ASTN2: variants seen among roughly 807,000 people sequenced by gnomAD.
ASTN2 encodes the protein astrotactin-2.
Under a neutral mutation model 139.8 loss-of-function variants are expected in ASTN2, and 54 were observed. The ratio of observed to expected loss-of-function variants is 0.39; its 90% confidence interval spans 0.31 to 0.48. The LOEUF is 0.48. ASTN2 is among the 20% of genes least tolerant of loss of function. The pLI is 0.95. For synonymous variants in ASTN2, 756 were observed against 719.5 expected, an observed-to-expected ratio of 1.05 and a Z score of -0.81; for missense variants, 1,565 against 1,725.1, an observed-to-expected ratio of 0.91 and a Z score of 1.64.
chr9:116,636,824 C>A (rs1003591987), intron 17 of ASTN2, among the ~76,000 whole-genome samples: 2 of 152,174 alleles, frequency 1.3e-5, no homozygotes, highest in Non-Finnish European at 2.9e-5. Context: ...GAATCTTAAT[C>A]CTCAATGCAA....
chr9:117,374,154 C>T (rs561426088), intron 1 of ASTN2, among the ~76,000 whole-genome samples: 114 of 152,110 alleles, frequency 7.5e-4, no homozygotes, highest in Non-Finnish European at 3.1e-4. Context: ...TGGATTCTTC[C>T]CATTTTCCAG....
rs1025724857 is a variant in ASTN2 at position 117,160,256 on chromosome 9, A to C, written c.1016-18778T>G. Reference sequence around the variant, plus strand: ...GTTTCTACAACACCATGAAAATCACACAGGATCTAAGTTCCTAGGGGGCAG... The same window carrying C: ...GTTTCTACAACACCATGAAAATCACCCAGGATCTAAGTTCCTAGGGGGCAG... On this transcript the variant is annotated intron_variant, in intron 3 of 22. Transcript: ENST00000313400. Among the ~76,000 whole-genome samples the C allele has an allele frequency of 2.6e-5, 4 of 152,024 alleles. No homozygotes were observed. In the East Asian group the frequency reaches 7.7e-4, roughly 29 times the overall value.
chr9:117,117,474 G>T (rs550935628), intron 4 of ASTN2, among the ~76,000 whole-genome samples: 200 of 151,480 alleles, frequency 1.3e-3, no homozygotes, highest in African/African-American at 4.2e-3. Flanking sequence ...GAGGGACTTT[G>T]TTGAGAGTGG....
chr9:116,808,768 C>T (rs1348170237), intron 12 of ASTN2, among the ~76,000 whole-genome samples: 12 of 152,108 alleles, frequency 7.9e-5, no homozygotes, highest in Admixed American at 7.9e-4. Context: ...AATCTCTACC[C>T]GTTTACAATC....
intron 19 of ASTN2, among the ~76,000 whole-genome samples, chr9:116,515,458 G>A (rs1850604484): frequency 6.6e-6 from 1 of 152,162 alleles, no homozygotes; most frequent in African/African-American, 2.4e-5. Flanking sequence ...TATGTGGCTA[G>A]AAGCCTTGCA....
intron 1 of ASTN2, among the ~76,000 whole-genome samples, chr9:117,408,330 T>C (rs981748246): frequency 3.3e-5 from 5 of 152,120 alleles, no homozygotes; most frequent in Middle Eastern, 3.2e-3. Flanking sequence ...GTAGGTTTCT[T>C]CCCTTATCTA....
intron 16 of ASTN2, among the ~76,000 whole-genome samples, chr9:116,666,988 C>T (rs1317921591): frequency 3.3e-4 from 35 of 107,010 alleles, no homozygotes; most frequent in Admixed American, 1.5e-3. Flanking sequence ...CAGAGTCTTG[C>T]TCTGTCACCC....
At chr9:116,814,704 A>G (rs905434960) in intron 12 of ASTN2, among the ~76,000 whole-genome samples, 51 of 152,206 alleles carry the variant, frequency 3.4e-4, no homozygotes, top group African/African-American at 1.2e-3. Flanking sequence ...AGCCTTGACT[A>G]TCCCCAGGCA....
At chr9:117,308,404 T>A (rs1159086052) in intron 1 of ASTN2, among the ~76,000 whole-genome samples, 1 of 152,100 alleles carries the variant, frequency 6.6e-6, no homozygotes, top group Non-Finnish European at 1.5e-5. Flanking sequence ...AAACTGAGAT[T>A]CCCAGAGGTG....
chr9:117,167,874 A>G (rs1232911022), intron 3 of ASTN2, among the ~76,000 whole-genome samples: 1 of 152,172 alleles, frequency 6.6e-6, no homozygotes, highest in Non-Finnish European at 1.5e-5. Flanking sequence ...TATCCAAGGT[A>G]ACATATGGCT....
At chr9:117,218,326 C>A (rs1489001518) in intron 2 of ASTN2, among the ~76,000 whole-genome samples, 1 of 152,200 alleles carries the variant, frequency 6.6e-6, no homozygotes, top group Non-Finnish European at 1.5e-5. Context: ...GGTTCATTGT[C>A]CTCACTCCCC....
chr9:116,433,208 G>A (rs1285837742), intron 22 of ASTN2, among the ~76,000 whole-genome samples: 2 of 152,152 alleles, frequency 1.3e-5, no homozygotes, highest in Non-Finnish European at 2.9e-5. Flanking sequence ...CCAGATTAAT[G>A]AGTGATACAT....
At chr9:117,005,811 G>A (rs1308275442) in intron 7 of ASTN2, among the ~76,000 whole-genome samples, 1 of 152,034 alleles carries the variant, frequency 6.6e-6, no homozygotes, top group Non-Finnish European at 1.5e-5. Flanking sequence ...GTGACCCAGG[G>A]ACAGAAGATT....
chr9:116,625,040 T>A (rs747047620), intron 17 of ASTN2, among the ~76,000 whole-genome samples: 3 of 152,210 alleles, frequency 2.0e-5, no homozygotes, highest in Non-Finnish European at 4.4e-5. Flanking sequence ...ATGTTTGTGA[T>A]CCTCTTCTTC....
chr9:117,256,423 G>A (rs1833688392), intron 2 of ASTN2, among the ~76,000 whole-genome samples: 1 of 152,164 alleles, frequency 6.6e-6, no homozygotes, highest in South Asian at 2.1e-4. Flanking sequence ...ATTGGATAAT[G>A]CTTCCTATCA....
At chr9:116,486,936 C>A (rs986732801) in intron 20 of ASTN2, among the ~76,000 whole-genome samples, 3 of 151,778 alleles carry the variant, frequency 2.0e-5, no homozygotes, top group African/African-American at 4.8e-5. Flanking sequence ...TCTCAGTATG[C>A]GTATTTCAGT....
At chr9:116,866,959 G>A (rs531138311) in intron 10 of ASTN2, among the ~76,000 whole-genome samples, 24 of 150,564 alleles carry the variant, frequency 1.6e-4, no homozygotes, top group Non-Finnish European at 3.1e-4. Context: ...TAAACAGGTA[G>A]AGAAACTGCT....
At chr9:117,287,922 G>A (rs1179381496) in intron 2 of ASTN2, among the ~76,000 whole-genome samples, 4 of 152,078 alleles carry the variant, frequency 2.6e-5, no homozygotes, top group African/African-American at 9.7e-5. Context: ...CAATAATTCT[G>A]TGAGATTGGT....
chr9:117,112,994 C>T (rs1461603449), intron 4 of ASTN2, among the ~76,000 whole-genome samples: 2 of 152,234 alleles, frequency 1.3e-5, no homozygotes, highest in Non-Finnish European at 2.9e-5. Flanking sequence ...AGATCCTCAA[C>T]CTCTTTAGTC....
Sources: gnomAD v4.1 joint callset for allele counts (sites outside exome capture counted in the v4.1 genomes callset) on GRCh38, gnomAD v4.1.1 for gene constraint, MANE v1.5 for transcripts, NCBI Gene and HGNC (gene_info 2026-07-23, HGNC 2026-07-21) for gene names.